LRRFIP2: variants seen among roughly 807,000 people sequenced by gnomAD.
LRRFIP2 encodes the protein LRR binding FLII interacting protein 2, also known as leucine-rich repeat flightless-interacting protein 2.
Under a neutral mutation model 125.9 loss-of-function variants are expected in LRRFIP2, and 109 were observed. The ratio of observed to expected loss-of-function variants is 0.87; its 90% CI spans 0.74 to 1.01. LRRFIP2 has a LOEUF of 1.01. Ranked by LOEUF, LRRFIP2 falls within the 50% of genes least tolerant of loss-of-function variation. The probability of loss-of-function intolerance (pLI) is 0.00; values close to 1 mark genes in which losing one functional copy is unlikely to be tolerated. For missense variants in LRRFIP2, 850 were observed against 862.3 expected, an observed-to-expected ratio of 0.99 and a Z score of 0.18; for synonymous variants, 291 against 293.1, an observed-to-expected ratio of 0.99 and a Z score of 0.07.
In LRRFIP2 at chr3:37,053,250, A is replaced by G. The variant is rs2085955347; in HGVS notation, c.*601T>C. On this transcript the variant is annotated 3_prime_UTR_variant, in exon 28 of 28. Transcript: ENST00000336686. Reference sequence around the variant, plus strand: ...AAAGCAAGTTTTATATACACTCCCCATATTTTTTTCTAACATTTTCTTATA... The same window carrying G: ...AAAGCAAGTTTTATATACACTCCCCGTATTTTTTTCTAACATTTTCTTATA... 1 of 152,868 alleles carries G rather than the reference A, an allele frequency of 6.5e-6. No individual in the cohort carries two copies. Among genetic ancestry groups the G allele is most frequent in the African/African-American group, 2.4e-5 (1 of 41,446 alleles). 9.5% of individuals were successfully genotyped at this position (152,868 alleles called of 1,614,324 possible).
At chr3:37,148,785 T>C in intron 2 of LRRFIP2, 109 bp downstream of exon 2, 1 of 1,169,914 alleles carries the variant, frequency 8.5e-7, no homozygotes, top group Non-Finnish European at 1.2e-6. Flanking sequence ...TTGCTCATAA[T>C]AAACATCTGA....
intron 27 of LRRFIP2, 93 bp from the exon 28 acceptor site, chr3:37,054,054 T>C: frequency 1.2e-6 from 1 of 816,442 alleles, no homozygotes; most frequent in East Asian, 2.4e-5. Context: ...AAAGCACTGC[T>C]AACTGTGATG....
At chr3:37,143,636 A>G in intron 2 of LRRFIP2, 1 of 189,536 alleles carries the variant, frequency 5.3e-6, no homozygotes, top group Non-Finnish European at 1.1e-5. Context: ...TAATCTCCAA[A>G]TAACATCCTT....
At position 37,109,659 on chromosome 3, in the gene LRRFIP2, A is replaced by C; in HGVS notation, c.558T>G (p.Ser186Arg). Residue 186 changes from serine to arginine, a missense_variant, in exon 10 of 28, where the codon AGT becomes AGG. By Grantham distance (110) the Ser-to-Arg change is moderately radical (BLOSUM62 -1). Transcript: ENST00000336686. ...TTCCTCAGAAAGTACTAACCCTGTC[A>C]CTCTTATATGTTGCCAGAGGGTCAC... ...LYSDPLATYK[S>R]DRASPTANSG... is the part of the protein sequence containing the mutation. 1 of 1,614,038 alleles carries C rather than the reference A, an allele frequency of 6.2e-7. No homozygotes were observed. The highest frequency in any genetic ancestry group is 8.5e-7 in the Non-Finnish European group (1 of 1,179,940).
At chr3:37,173,278 T>C (rs1448139909) in intron 1 of LRRFIP2, among the ~76,000 whole-genome samples, 5 of 151,686 alleles carry the variant, frequency 3.3e-5, no homozygotes, top group Non-Finnish European at 5.9e-5. Flanking sequence ...TGCAGTGGTG[T>C]TTTCAGGGCT....
intron 1 of LRRFIP2, among the ~76,000 whole-genome samples, chr3:37,154,886 T>C (rs1560105995): frequency 6.6e-6 from 1 of 152,218 alleles, no homozygotes; most frequent in Non-Finnish European, 1.5e-5. Context: ...AGATAGTTCT[T>C]TTATATCTAA....
chr3:37,074,942 T>C, intron 20 of LRRFIP2, 82 bp downstream of exon 20: 1 of 912,642 alleles, frequency 1.1e-6, no homozygotes, highest in Non-Finnish European at 1.8e-6. Flanking sequence ...GCATCTTAAC[T>C]CTCCTTCCCT....
In LRRFIP2 at chr3:37,054,414, T is replaced by G; in HGVS notation, c.2052A>C (p.Arg684=). The G allele has an allele frequency of 6.2e-7, 1 of 1,611,024 alleles. No homozygotes were observed. The highest frequency in any genetic ancestry group is 8.5e-7 in the Non-Finnish European group (1 of 1,177,448). ...AGAAACATATTAAAAGAAGTACCTC[T>G]CGTTGTAGCTTCCGTTTTTCTGCTT... ...ELKAEKRKLQ[R]ELRTALDKIE... Residue 684 remains arginine, a synonymous_variant, in exon 27 of 28, where the codon CGA becomes CGC. Coordinates refer to ENST00000336686, the MANE Select transcript of LRRFIP2 (RefSeq NM_006309.4).
chr3:37,111,196 T>C lies in LRRFIP2; in HGVS notation c.439-131A>G, dbSNP rs1007484741. On this transcript the variant is annotated intron_variant, in intron 8 of 27. Transcript: ENST00000336686. ...AATCCCTTCTTCTCCAAAATGTTTT[T>C]AAATCATCATATCACATTAAGTCAA... 26 of 612,702 alleles carry C rather than the reference T, an allele frequency of 4.2e-5. No homozygotes were observed. In the African/African-American group the frequency reaches 4.3e-4, roughly 10 times the overall value. The allele number at this position is 612,702 out of a possible 1,614,324, so 38.0% of individuals were successfully genotyped here.
At chr3:37,085,563 A>G (rs913929122) in intron 18 of LRRFIP2, among the ~76,000 whole-genome samples, 1 of 149,958 alleles carries the variant, frequency 6.7e-6, no homozygotes, top group African/African-American at 2.5e-5. Context: ...ACCAAAAAAA[A>G]AGACTTCACT....
At chr3:37,080,969 G>A (rs2092591557) in intron 19 of LRRFIP2, among the ~76,000 whole-genome samples, 1 of 152,126 alleles carries the variant, frequency 6.6e-6, no homozygotes, top group Non-Finnish European at 1.5e-5. Flanking sequence ...GTGTGAAATG[G>A]TCTTTTGATT....
chr3:37,132,274 T>C (rs1319549028), intron 2 of LRRFIP2, among the ~76,000 whole-genome samples: 1 of 125,728 alleles, frequency 8.0e-6, no homozygotes, highest in African/African-American at 2.8e-5. Context: ...TTCATTTACA[T>C]GTATATTAAA....
chr3:37,116,016 T>C (rs1263071135), intron 6 of LRRFIP2, among the ~76,000 whole-genome samples: 1 of 152,204 alleles, frequency 6.6e-6, no homozygotes, highest in East Asian at 1.9e-4. Context: ...TTCCAACTCT[T>C]ATATTCATTT....
intron 23 of LRRFIP2, chr3:37,064,505 G>A (rs2089636366): frequency 1.3e-5 from 2 of 151,228 alleles, no homozygotes; most frequent in Admixed American, 6.6e-5. Context: ...GTCTGAACCT[G>A]GGAGATAGAG....
intron 1 of LRRFIP2, among the ~76,000 whole-genome samples, chr3:37,163,892 G>C (rs1233824163): frequency 1.3e-5 from 2 of 152,168 alleles, no homozygotes; most frequent in Non-Finnish European, 2.9e-5. Context: ...GAAACTTCTA[G>C]GATAAATGTA....
chr3:37,081,097 G>T (rs915117351), intron 19 of LRRFIP2, among the ~76,000 whole-genome samples: 1 of 152,022 alleles, frequency 6.6e-6, no homozygotes, highest in East Asian at 1.9e-4. Flanking sequence ...TCCACAAAAA[G>T]ATTTTTAAAA....
Position 37,094,807 on chromosome 3 carries a change from T to G in LRRFIP2, c.1020A>C (p.Ser340=), listed in dbSNP as rs1404184870. The change falls in exon 17 of 28, where the codon TCA becomes TCC. Residue 340 remains serine (S), a synonymous_variant. Coordinates refer to ENST00000336686, the MANE Select transcript of LRRFIP2 (RefSeq NM_006309.4). The stretch of plus-strand genomic sequence containing the variant: ...TTCAGTTTACCCGCAATTCACTTAA[T>G]GAAGTGTCTGGATCTATTAAGCTGC... ...DTSSLIDPDT[S]LSELRDIYDL... is the part of the protein sequence containing the mutation. The G allele has an allele frequency of 6.2e-7, 1 of 1,612,678 alleles. No homozygotes were observed. The highest frequency in any genetic ancestry group is 8.5e-7 in the Non-Finnish European group (1 of 1,178,910).
At chr3:37,135,206 A>G in intron 2 of LRRFIP2, 2 of 771,696 alleles carry the variant, frequency 2.6e-6, no homozygotes, top group Non-Finnish European at 4.2e-6. Context: ...CACACCTGTA[A>G]TCCTAGCACT....
chr3:37,140,305 C>T (rs928481233), intron 2 of LRRFIP2: 3 of 152,182 alleles, frequency 2.0e-5, no homozygotes, highest in Non-Finnish European at 4.4e-5. Flanking sequence ...CCTGATCCAA[C>T]TTGCTATTAA....
Sources: allele counts gnomAD v4.1 joint callset (sites outside exome capture counted in the v4.1 genomes callset), GRCh38; gene constraint gnomAD v4.1.1; transcripts MANE v1.5; gene names NCBI Gene and HGNC (gene_info 2026-07-23, HGNC 2026-07-21).